CATSPERZ: variants seen among roughly 807,000 people sequenced by gnomAD.
CATSPERZ encodes the protein catsper channel auxiliary subunit zeta, also known as cation channel sperm-associated auxiliary subunit zeta.
In CATSPERZ, 21 loss-of-function variants were observed where a neutral mutation model predicts 21.7. The observed-to-expected ratio is 0.97, with a 90% CI of 0.69 to 1.39. CATSPERZ has a LOEUF of 1.39. Among genes scored for constraint, CATSPERZ ranks in the 40% most tolerant of loss-of-function variants. The pLI is 0.00. For missense variants in CATSPERZ, 234 were observed against 259.5 expected, an observed-to-expected ratio of 0.90 and a Z score of 0.68; for synonymous variants, 127 against 108.7, an observed-to-expected ratio of 1.17 and a Z score of -1.05.
chr11:64,302,590 T>A (rs1318998245), intron 2 of CATSPERZ, among the ~76,000 whole-genome samples: 1 of 151,410 alleles, frequency 6.6e-6, no homozygotes, highest in Non-Finnish European at 1.5e-5. Flanking sequence ...TATTTATTTT[T>A]GAGTCAGATT....
chr11:64,302,427 C>T (rs943846989), intron 2 of CATSPERZ, among the ~76,000 whole-genome samples: 1 of 152,042 alleles, frequency 6.6e-6, no homozygotes, highest in Non-Finnish European at 1.5e-5. Flanking sequence ...ACTACAGGCG[C>T]CTGCCAGCAC....
chr11:64,303,025 G>A (rs905339829), intron 2 of CATSPERZ, among the ~76,000 whole-genome samples: 6 of 151,214 alleles, frequency 4.0e-5, no homozygotes, highest in East Asian at 1.9e-4. Flanking sequence ...TCAGCCTCCC[G>A]AGTAGCTGGG....
At chr11:64,301,907 G>C (rs1374354176) in intron 2 of CATSPERZ, among the ~76,000 whole-genome samples, 1 of 152,208 alleles carries the variant, frequency 6.6e-6, no homozygotes, top group East Asian at 1.9e-4. Flanking sequence ...CTGGGCTCAA[G>C]TGATCCTCCT....
intron 2 of CATSPERZ, among the ~76,000 whole-genome samples, chr11:64,302,423 G>A (rs1230249221): frequency 2.0e-5 from 3 of 152,110 alleles, no homozygotes; most frequent in Non-Finnish European, 4.4e-5. Flanking sequence ...TGGGACTACA[G>A]GCGCCTGCCA....
At chr11:64,303,941 G>C (rs544551400) in intron 4 of CATSPERZ, 102 bp downstream of exon 4, 1 of 1,162,752 alleles carries the variant, frequency 8.6e-7, no homozygotes, top group Non-Finnish European at 1.2e-6. Context: ...CTTATGTCTT[G>C]TCAGATGCCC....
In CATSPERZ at chr11:64,303,805, T is replaced by C; in HGVS notation, c.465T>C (p.Asn155=). ...TGCCCCTGATGGAACTCATGGAGAATGAAGCTCTGGAAATCCTCACCAAAG... is the reference window on the plus strand; with the variant it reads ...TGCCCCTGATGGAACTCATGGAGAACGAAGCTCTGGAAATCCTCACCAAAG... ...LPLPLMELME[N]EALEILTKAL... Residue 155 remains asparagine, a synonymous_variant, in exon 4 of 5, where the codon AAT becomes AAC. Transcript: ENST00000328404. The C allele has an allele frequency of 1.9e-6, 3 of 1,601,604 alleles. No individual in the cohort carries two copies. Among genetic ancestry groups the C allele is most frequent in the Non-Finnish European group, 2.6e-6 (3 of 1,174,330 alleles).
intron 1 of CATSPERZ, 31 bp downstream of exon 1, chr11:64,300,462 T>C (rs1393686168): frequency 6.4e-7 from 1 of 1,552,436 alleles, no homozygotes; most frequent in Non-Finnish European, 8.8e-7. Flanking sequence ...CCTTACCCTG[T>C]CCGCTCCAAC....
At chr11:64,301,511 T>A (rs1250261278) in intron 2 of CATSPERZ, among the ~76,000 whole-genome samples, 7 of 149,478 alleles carry the variant, frequency 4.7e-5, no homozygotes, top group African/African-American at 1.2e-4. Context: ...GTAGCTGGGA[T>A]TACAGGCGCG....
At chr11:64,301,217 C>T (rs981329254) in intron 2 of CATSPERZ, among the ~76,000 whole-genome samples, 1 of 152,198 alleles carries the variant, frequency 6.6e-6, no homozygotes, top group African/African-American at 2.4e-5. Flanking sequence ...GCGCAGAGTC[C>T]GGGGAAGGAC....
rs978432278 is a variant in CATSPERZ at position 64,304,393 on chromosome 11, A to C, written c.500-150A>C. 1.9e-5 allele frequency: 12 copies of C among 620,448 alleles called. No homozygotes were observed. The African/African-American group carries it at 2.2e-4, about 11-fold the overall frequency. The allele number at this position is 620,448 out of a possible 1,614,324, so 38.4% of individuals were successfully genotyped here. A position where few individuals can be genotyped will look rare whatever the true frequency, so the allele number is the denominator to read the frequency against. On this transcript the variant is annotated intron_variant, in intron 4 of 4. Coordinates refer to ENST00000328404, the MANE Select transcript of CATSPERZ (RefSeq NM_001039496.2). ...TAACACTCAGCACCCTTAGAGATGC[A>C]AAGTTCCCCAGGCTAACACAGACCT...
intron 2 of CATSPERZ, among the ~76,000 whole-genome samples, chr11:64,302,718 G>A (rs528671574): frequency 1.4e-5 from 2 of 147,588 alleles, no homozygotes; most frequent in Admixed American, 1.4e-4. Flanking sequence ...GATTACAGGT[G>A]CCTGCCACTA....
At chr11:64,303,613 A>T in intron 3 of CATSPERZ, 52 bp downstream of exon 3, 1 of 1,348,800 alleles carries the variant, frequency 7.4e-7, no homozygotes, top group Non-Finnish European at 9.8e-7. Context: ...GGATAGGCAA[A>T]TTGGGGGTTG....
chr11:64,303,919 G>A (rs759361472), intron 4 of CATSPERZ, 80 bp downstream of exon 4: 1 of 1,397,842 alleles, frequency 7.2e-7, no homozygotes, highest in Non-Finnish European at 9.9e-7. Flanking sequence ...GGGGGGTGGG[G>A]TTTCAGGGTG....
rs763901112 is a variant in CATSPERZ at position 64,303,769 on chromosome 11, C to G, written c.433-4C>G. On this transcript the variant is annotated splice_polypyrimidine_tract_variant and splice_region_variant and intron_variant, in intron 3 of 4. Transcript: ENST00000328404. ...GACGCCTAAGCCTCTTGCTGCTTCT[C>G]CAGCTGCCACTGCCCCTGATGGAAC... 6.3e-7 allele frequency: 1 copy of G among 1,596,246 alleles called. No individual in the cohort carries two copies. Among genetic ancestry groups the G allele is most frequent in the Non-Finnish European group, 8.5e-7 (1 of 1,171,772 alleles).
rs1368023482 is a variant in CATSPERZ at position 64,304,674 on chromosome 11, C to T, written c.*28C>T. The stretch of plus-strand genomic sequence containing the variant: ...ACGCCACCTTGGGCTCGAGCAGCGA[C>T]CCGAACCAGCCCCGTGCCAGCCCGG... On this transcript the variant is annotated 3_prime_UTR_variant, in exon 5 of 5. Coordinates refer to ENST00000328404, the MANE Select transcript of CATSPERZ (RefSeq NM_001039496.2). 2 of 1,542,914 alleles carry T rather than the reference C, an allele frequency of 1.3e-6. No individual in the cohort carries two copies. The highest frequency in any genetic ancestry group is 3.9e-5 in the Admixed American group (2 of 50,938).
intron 3 of CATSPERZ, 92 bp from the exon 4 acceptor site, chr11:64,303,681 G>C: frequency 2.0e-6 from 3 of 1,498,512 alleles, no homozygotes; most frequent in Non-Finnish European, 2.7e-6. Context: ...GGCTGGTTGG[G>C]GGTTTGGGGG....
At chr11:64,303,902 G>A in intron 4 of CATSPERZ, 63 bp downstream of exon 4, 2 of 1,524,726 alleles carry the variant, frequency 1.3e-6, no homozygotes, top group East Asian at 4.9e-5. Context: ...TGCAGGGCTG[G>A]GGCCCAGGGG....
At chr11:64,301,319 T>G (rs2034923269) in intron 2 of CATSPERZ, among the ~76,000 whole-genome samples, 1 of 152,114 alleles carries the variant, frequency 6.6e-6, no homozygotes, top group South Asian at 2.1e-4. Flanking sequence ...TGAGACAGGA[T>G]CTCACTCTGT....
At chr11:64,302,434 G>C (rs1339391078) in intron 2 of CATSPERZ, among the ~76,000 whole-genome samples, 3 of 150,194 alleles carry the variant, frequency 2.0e-5, no homozygotes, top group African/African-American at 7.4e-5. Flanking sequence ...GCGCCTGCCA[G>C]CACGCCCGGC....
Sources: allele counts gnomAD v4.1 joint callset (sites outside exome capture counted in the v4.1 genomes callset), GRCh38; gene constraint gnomAD v4.1.1; transcripts MANE v1.5; gene names NCBI Gene and HGNC (gene_info 2026-07-23, HGNC 2026-07-21).